SPAG17: variants seen among roughly 807,000 people sequenced by gnomAD.
The protein encoded by SPAG17 is sperm-associated antigen 17.
In SPAG17, 169 loss-of-function variants were observed where a neutral mutation model predicts 273.6. The observed-to-expected ratio is 0.62, with a 90% CI of 0.55 to 0.70. SPAG17 has a LOEUF of 0.70. Ranked by LOEUF, SPAG17 falls within the 30% of genes least tolerant of loss-of-function variation. The pLI is 0.00. For missense variants in SPAG17, 2,557 were observed against 2,627.8 expected (o/e 0.97, Z 0.59); for synonymous variants, 825 against 873.2 (o/e 0.94, Z 0.97).
chr1:118,122,153 CTGTGTGTG>C (rs34125128), intron 3 of SPAG17, among the ~76,000 whole-genome samples: 27 of 149,148 alleles, frequency 1.8e-4, no homozygotes, highest in African/African-American at 5.9e-4. Context: ...GTCTGTGTGT[CTGTGTGTG>C]TGTGTGTGTG....
Position 118,039,372 on chromosome 1 carries a change from T to C in SPAG17, c.3239A>G (p.Glu1080Gly). 6.2e-7 allele frequency: 1 copy of C among 1,613,520 alleles called. No homozygotes were observed. Among genetic ancestry groups the C allele is most frequent in the Non-Finnish European group, 8.5e-7 (1 of 1,179,638 alleles). ...NFMIHLNDPK[E>G]IVKKEEKGDY... The stretch of plus-strand genomic sequence containing the variant: ...CCCTTTCTCTTCCTTTTTCACAATT[T>C]CCTTAGGGTCATTTAAATGAATCAT... Residue 1080 changes from glutamate to glycine, a missense_variant, in exon 23 of 49, where the codon GAA becomes GGA. By Grantham distance (98) the Glu-to-Gly change is moderately conservative (BLOSUM62 -2). Transcript: ENST00000336338.
chr1:118,029,232 C>T (rs1648140809), intron 25 of SPAG17, among the ~76,000 whole-genome samples: 1 of 152,070 alleles, frequency 6.6e-6, no homozygotes, highest in Non-Finnish European at 1.5e-5. Context: ...AGAAGTCCAT[C>T]TTAAATAAAA....
At chr1:117,977,392 G>C (rs1444546295) in intron 43 of SPAG17, among the ~76,000 whole-genome samples, 1 of 152,120 alleles carries the variant, frequency 6.6e-6, no homozygotes, top group African/African-American at 2.4e-5. Context: ...ACATAATATA[G>C]AGAATTAAGA....
chr1:118,144,874 C>T (rs577876840), intron 3 of SPAG17, among the ~76,000 whole-genome samples: 1 of 152,304 alleles, frequency 6.6e-6, no homozygotes, highest in South Asian at 2.1e-4. Flanking sequence ...CTTTTCTAAG[C>T]ATCCTTTTAC....
intron 3 of SPAG17, among the ~76,000 whole-genome samples, chr1:118,149,224 T>TC (rs1659238629): frequency 1.3e-5 from 2 of 152,168 alleles, no homozygotes; most frequent in African/African-American, 4.8e-5. Flanking sequence ...ACCAAGAGTC[T>TC]CAGCACATAT....
intron 1 of SPAG17, among the ~76,000 whole-genome samples, chr1:118,154,439 C>T (rs548821843): frequency 7.9e-5 from 12 of 152,250 alleles, no homozygotes; most frequent in African/African-American, 2.9e-4. Flanking sequence ...AAGATGCTAG[C>T]AAATGTGCAA....
intron 1 of SPAG17, among the ~76,000 whole-genome samples, chr1:118,162,562 C>A (rs1317499398): frequency 6.6e-6 from 1 of 152,106 alleles, no homozygotes; most frequent in Non-Finnish European, 1.5e-5. Context: ...TACATGTAAA[C>A]GTATTTCGCA....
chr1:118,094,432 T>C (rs928703055), intron 7 of SPAG17, among the ~76,000 whole-genome samples: 3 of 152,198 alleles, frequency 2.0e-5, no homozygotes, highest in African/African-American at 7.2e-5. Flanking sequence ...TTGAAGGGCA[T>C]TTATTTGATG....
At chr1:118,103,840 A>AGTAGTGT (rs1553251055) in intron 4 of SPAG17, among the ~76,000 whole-genome samples, 1 of 136,286 alleles carries the variant, frequency 7.3e-6, no homozygotes, top group South Asian at 2.6e-4. Context: ...GGGAAAATGT[A>AGTAGTGT]GTGTGTGTGT....
chr1:118,143,177 A>G (rs1415112693), intron 3 of SPAG17, among the ~76,000 whole-genome samples: 4 of 152,244 alleles, frequency 2.6e-5, no homozygotes, highest in Non-Finnish European at 5.9e-5. Context: ...AAGGAAAAGT[A>G]ATAAACATAT....
intron 28 of SPAG17, among the ~76,000 whole-genome samples, chr1:118,020,801 T>C (rs915416211): frequency 2.6e-5 from 4 of 152,132 alleles, no homozygotes; most frequent in African/African-American, 9.7e-5. Context: ...GTCGGTGAAG[T>C]AGTAATTCTT....
At chr1:118,158,145 A>C (rs1427812623) in intron 1 of SPAG17, among the ~76,000 whole-genome samples, 2 of 152,222 alleles carry the variant, frequency 1.3e-5, no homozygotes, top group Non-Finnish European at 2.9e-5. Flanking sequence ...TGAACATATT[A>C]TGTTTAAAAT....
chr1:118,138,577 C>G (rs778884844), intron 3 of SPAG17, among the ~76,000 whole-genome samples: 1 of 152,044 alleles, frequency 6.6e-6, no homozygotes, highest in Non-Finnish European at 1.5e-5. Context: ...TGAAACCAAC[C>G]AAATTTCTTT....
At chr1:118,082,094 TTCC>T (rs1257780906) in intron 13 of SPAG17, among the ~76,000 whole-genome samples, 4 of 152,234 alleles carry the variant, frequency 2.6e-5, no homozygotes, top group Non-Finnish European at 5.9e-5. Flanking sequence ...CAGGAAAGGC[TTCC>T]TCCTGTGCAC....
At chr1:118,071,658 A>C (rs1163179455) in intron 17 of SPAG17, among the ~76,000 whole-genome samples, 1 of 152,216 alleles carries the variant, frequency 6.6e-6, no homozygotes, top group Non-Finnish European at 1.5e-5. Flanking sequence ...AAAAAGAAAA[A>C]GTGAAATGAT....
At chr1:118,180,358 T>C (rs1264526324) in intron 1 of SPAG17, among the ~76,000 whole-genome samples, 1 of 152,056 alleles carries the variant, frequency 6.6e-6, no homozygotes, top group East Asian at 1.9e-4. Context: ...ATGAATATCG[T>C]ATGTTCTCAC....
At chr1:118,069,924 G>A (rs1030582401) in intron 17 of SPAG17, among the ~76,000 whole-genome samples, 1 of 152,152 alleles carries the variant, frequency 6.6e-6, no homozygotes. Flanking sequence ...GATGAAGAAA[G>A]ATAAGTGTCC....
chr1:118,054,119 T>G, intron 19 of SPAG17, 26 bp from the exon 20 acceptor site: 2 of 1,461,336 alleles, frequency 1.4e-6, no homozygotes, highest in Non-Finnish European at 1.9e-6. Context: ...ATTAAACTTC[T>G]TAGTAACTCT....
At chr1:118,147,497 A>G (rs889332018) in intron 3 of SPAG17, among the ~76,000 whole-genome samples, 1 of 131,474 alleles carries the variant, frequency 7.6e-6, no homozygotes, top group Non-Finnish European at 1.7e-5. Context: ...TCATTCCCAC[A>G]TGAGTTCTTG....
Sources: allele counts gnomAD v4.1 joint callset (sites outside exome capture counted in the v4.1 genomes callset), GRCh38; gene constraint gnomAD v4.1.1; transcripts MANE v1.5; gene names NCBI Gene and HGNC (gene_info 2026-07-23, HGNC 2026-07-21).